Variants in ISM1 observed in about 807,000 individuals in gnomAD.
ISM1 encodes the protein isthmin-1.
A neutral mutation model predicts 46.3 loss-of-function variants in ISM1; 25 were observed. The observed-to-expected ratio is 0.54, with a 90% CI of 0.39 to 0.75. ISM1 has a LOEUF of 0.75. ISM1 is among the 30% of genes least tolerant of loss of function. The probability of loss-of-function intolerance (pLI) is 0.00; values close to 1 mark genes in which losing one functional copy is unlikely to be tolerated. For synonymous variants in ISM1, 255 were observed against 256.7 expected (o/e 0.99, Z 0.06); for missense variants, 536 against 625.4 (o/e 0.86, Z 1.52).
At chr20:13,255,125 C>T (rs1045241474) in intron 1 of ISM1, among the ~76,000 whole-genome samples, 4 of 152,130 alleles carry the variant, frequency 2.6e-5, no homozygotes, top group African/African-American at 9.7e-5. Flanking sequence ...TAGAGGGGAG[C>T]TTTTAAAGGG....
intron 5 of ISM1, among the ~76,000 whole-genome samples, chr20:13,294,989 T>TAAGACATGC (rs1374093156): frequency 6.6e-6 from 1 of 152,164 alleles, no homozygotes; most frequent in African/African-American, 2.4e-5. Context: ...TCTGAGTTCA[T>TAAGACATGC]AAGACATGCC....
Position 13,299,484 on chromosome 20 carries a change from G to GCTGCCTCTGGTTCTGGAGCACA in ISM1, c.*27_*48dup. On this transcript the variant is annotated 3_prime_UTR_variant, in exon 6 of 6. Transcript: ENST00000262487. The surrounding 1 kb of genome is among the most constrained non-coding windows in gnomAD (Gnocchi z 5.8). Reference sequence around the variant, plus strand: ...AAGAGACTGGGATGAGGTGGAGGACGCTGCCTCTGGTTCTGGAGCACACAC... The same window carrying GCTGCCTCTGGTTCTGGAGCACA: ...AAGAGACTGGGATGAGGTGGAGGACGCTGCCTCTGGTTCTGGAGCACACTGCCTCTGGTTCTGGAGCACACAC... 1 of 1,570,484 alleles carries GCTGCCTCTGGTTCTGGAGCACA rather than the reference G, an allele frequency of 6.4e-7. No individual in the cohort carries two copies. Among genetic ancestry groups the GCTGCCTCTGGTTCTGGAGCACA allele is most frequent in the Non-Finnish European group, 8.6e-7 (1 of 1,159,838 alleles).
intron 1 of ISM1, among the ~76,000 whole-genome samples, chr20:13,231,255 C>T (rs375860160): frequency 2.0e-4 from 31 of 152,290 alleles, no homozygotes; most frequent in African/African-American, 5.5e-4. Flanking sequence ...TCATTAACAG[C>T]GAGGAAGTCT....
chr20:13,324,649 G>T, the ISM1 span, among the ~76,000 whole-genome samples: 1 of 152,170 alleles, frequency 6.6e-6, no homozygotes, highest in Non-Finnish European at 1.5e-5. Flanking sequence ...GCTAGAAAAT[G>T]AAAAACAAAA....
chr20:13,319,337 A>G, the ISM1 span, among the ~76,000 whole-genome samples: 1 of 152,104 alleles, frequency 6.6e-6, no homozygotes, highest in Non-Finnish European at 1.5e-5. Flanking sequence ...TGTGCCTGGC[A>G]GCCCGGGTAT....
chr20:13,264,404 G>A (rs1315535141), intron 1 of ISM1, among the ~76,000 whole-genome samples: 3 of 152,172 alleles, frequency 2.0e-5, no homozygotes, highest in South Asian at 2.1e-4. Context: ...GCAGAATAGG[G>A]CAGGTGGCTA....
Position 13,299,424 on chromosome 20 carries a change from T to C in ISM1, c.1360T>C (p.Tyr454His). ...KCTESPSDED[Y>H]IKQFQEAREY ...CACAGAGAGCCCCTCGGACGAGGAC[T>C]ACATCAAGCAGTTCCAAGAGGCCAG... Residue 454 changes from tyrosine (Y) to histidine (H), a missense_variant, in exon 6 of 6, where the codon TAC becomes CAC. By Grantham distance (83) the Tyr-to-His change is moderately conservative. This residue lies in a region of ISM1 where 169 missense variants were observed against 249.3 expected (regional missense o/e 0.68). Transcript: ENST00000262487. This position sits in a 1 kb window ranked among gnomAD's most constrained non-coding sequence, Gnocchi z 5.8. The C allele has an allele frequency of 6.2e-7, 1 of 1,608,286 alleles. No homozygotes were observed. Among genetic ancestry groups the C allele is most frequent in the Non-Finnish European group, 8.5e-7 (1 of 1,178,694 alleles).
chr20:13,231,027 T>A (rs2039582453), intron 1 of ISM1, among the ~76,000 whole-genome samples: 1 of 152,196 alleles, frequency 6.6e-6, no homozygotes, highest in Admixed American at 6.5e-5. Context: ...CTTCCCTGCC[T>A]TCCTCCCTCT....
intron 1 of ISM1, among the ~76,000 whole-genome samples, chr20:13,243,258 G>A (rs2039750877): frequency 6.6e-6 from 1 of 152,154 alleles, no homozygotes. Flanking sequence ...CTTTCTTAGT[G>A]GTCAGTTCCA....
chr20:13,296,744 G>T (rs1358515773), intron 5 of ISM1, among the ~76,000 whole-genome samples: 1 of 152,194 alleles, frequency 6.6e-6, no homozygotes, highest in Non-Finnish European at 1.5e-5. Context: ...TGTCAGCCAG[G>T]CGTGGTGGCT....
At chr20:13,265,108 G>A (rs748416497) in intron 1 of ISM1, among the ~76,000 whole-genome samples, 4 of 152,068 alleles carry the variant, frequency 2.6e-5, no homozygotes, top group Non-Finnish European at 4.4e-5. Flanking sequence ...GTCTCTGATC[G>A]TTACTCTCAC....
chr20:13,249,778 GCGTTTTGTTT>G (rs1405440983), intron 1 of ISM1, among the ~76,000 whole-genome samples: 3 of 143,232 alleles, frequency 2.1e-5, no homozygotes, highest in African/African-American at 5.2e-5. Flanking sequence ...ATTTTTTGTT[GCGTTTTGTTT>G]TGTTTTGTTT....
In ISM1 at chr20:13,299,092, G is replaced by A. The variant is rs749406334; in HGVS notation, c.1028G>A (p.Arg343His). Residue 343 changes from arginine to histidine, a missense_variant, in exon 6 of 6, where the codon CGC becomes CAC. Transcript: ENST00000262487. This position sits in a 1 kb window ranked among gnomAD's most constrained non-coding sequence, Gnocchi z 5.8. The stretch of plus-strand genomic sequence containing the variant: ...GCCGACATCTTCGACCGCATCAAGC[G>A]CAAGGACTTCCGCTGGAAGGACGCC... ...STADIFDRIK[R>H]KDFRWKDASG... 11 of 1,613,676 alleles carry A rather than the reference G, an allele frequency of 6.8e-6. No individual in the cohort carries two copies. Among genetic ancestry groups the A allele is most frequent in the African/African-American group, 6.7e-5 (5 of 74,914 alleles).
chr20:13,314,680 A>C, the ISM1 span, among the ~76,000 whole-genome samples: 4 of 152,188 alleles, frequency 2.6e-5, no homozygotes, highest in Non-Finnish European at 5.9e-5. Flanking sequence ...TCAGATCTTC[A>C]TAAAAAAGGA....
chr20:13,276,816 A>G (rs2040185344), intron 2 of ISM1, among the ~76,000 whole-genome samples: 1 of 152,218 alleles, frequency 6.6e-6, no homozygotes, highest in Non-Finnish European at 1.5e-5. Flanking sequence ...CCATTGGAGA[A>G]GTCATTGATC....
chr20:13,315,181 T>G, the ISM1 span, among the ~76,000 whole-genome samples: 11 of 152,014 alleles, frequency 7.2e-5, no homozygotes, highest in African/African-American at 2.4e-4. Context: ...ATATGATAGG[T>G]ATTGATGTAA....
the ISM1 span, among the ~76,000 whole-genome samples, chr20:13,306,305 T>TCATA: frequency 1.3e-5 from 2 of 152,092 alleles, no homozygotes; most frequent in South Asian, 4.1e-4. Flanking sequence ...TTCACAAAGG[T>TCATA]CATAGCTAAA....
rs893660578 is a variant in ISM1 at position 13,221,350 on chromosome 20, A to G, written c.-427A>G. Reference sequence around the variant, plus strand: ...CGCCGCGGCCACATCTGGGGCGCCCATGTGCGCTCGGGGGCTCGGCTGCGC... The same window carrying G: ...CGCCGCGGCCACATCTGGGGCGCCCGTGTGCGCTCGGGGGCTCGGCTGCGC... On this transcript the variant is annotated 5_prime_UTR_variant, in exon 1 of 6. It removes an upstream start codon present in the reference 5' UTR. Coordinates refer to ENST00000262487, the MANE Select transcript of ISM1 (RefSeq NM_080826.2). Among the ~76,000 whole-genome samples the G allele has an allele frequency of 1.4e-5, 2 of 141,722 alleles. No individual in the cohort carries two copies. Among genetic ancestry groups the G allele is most frequent in the Non-Finnish European group, 3.1e-5 (2 of 64,604 alleles). The allele number at this position is 141,722 out of a possible 152,430, so 93.0% of individuals were successfully genotyped here.
At chr20:13,294,160 AATCTTGATTTTGCCAGATTAT>A in intron 5 of ISM1, among the ~76,000 whole-genome samples, 1 of 152,250 alleles carries the variant, frequency 6.6e-6, no homozygotes, top group South Asian at 2.1e-4. Flanking sequence ...AGAGGCCTGA[AATCTTGATTTTGCCAGATTAT>A]ATCTTAATTT....
Sources: allele counts gnomAD v4.1 joint callset (sites outside exome capture counted in the v4.1 genomes callset), GRCh38; gene constraint gnomAD v4.1.1; regional missense constraint gnomAD v4.1.1; non-coding constraint Gnocchi (gnomAD v3.1); transcripts MANE v1.5; gene names NCBI Gene and HGNC (gene_info 2026-07-23, HGNC 2026-07-21).